Variants in SAP30L observed in about 807,000 individuals in gnomAD.
The protein encoded by SAP30L is histone deacetylase complex subunit SAP30L.
In SAP30L, 10 loss-of-function variants were observed where a neutral mutation model predicts 22.3. That is an observed-to-expected ratio of 0.45 (90% CI 0.28 to 0.76). The LOEUF (loss-of-function observed/expected upper bound fraction) is 0.76, where lower values mean the gene tolerates loss of function less well. SAP30L is among the 30% of genes least tolerant of loss of function. The pLI, the probability that SAP30L is intolerant of heterozygous loss-of-function variation, is 0.14. For synonymous variants in SAP30L, 91 were observed against 94.1 expected (o/e 0.97, Z 0.19); for missense variants, 206 against 237.9 (o/e 0.87, Z 0.88).
chr5:154,454,816 T>G (rs1400220320), intron 3 of SAP30L, among the ~76,000 whole-genome samples: 1 of 152,228 alleles, frequency 6.6e-6, no homozygotes, highest in African/African-American at 2.4e-5. Flanking sequence ...GCATTTTCCT[T>G]CAAACCTGAT....
At chr5:154,447,180 C>A (rs1561699459) in intron 1 of SAP30L, among the ~76,000 whole-genome samples, 1 of 152,242 alleles carries the variant, frequency 6.6e-6, no homozygotes, top group African/African-American at 2.4e-5. Context: ...TTTCCAACTT[C>A]TCTCTCCTTC....
chr5:154,455,259 G>C (rs1242855642), intron 3 of SAP30L, among the ~76,000 whole-genome samples: 1 of 152,092 alleles, frequency 6.6e-6, no homozygotes, highest in African/African-American at 2.4e-5. Context: ...GTCTTGCTCT[G>C]TCTCCTAGGC....
chr5:154,449,249 C>CT (rs1308782817), intron 1 of SAP30L, among the ~76,000 whole-genome samples: 17 of 151,168 alleles, frequency 1.1e-4, no homozygotes, highest in Non-Finnish European at 2.5e-4. Flanking sequence ...CATATTTCTG[C>CT]TTTTTTTTTC....
chr5:154,453,302 T>C (rs568318091), intron 2 of SAP30L, 100 bp from the exon 3 acceptor site: 186 of 797,854 alleles, frequency 2.3e-4, no homozygotes, highest in Middle Eastern at 3.5e-4. Flanking sequence ...GCCCTCCCCA[T>C]CCTCACCCCT....
In SAP30L at chr5:154,456,252, TAA is replaced by T. The variant is rs1582045790; in HGVS notation, c.*227_*228del. 12 of 350,626 alleles carry T rather than the reference TAA, an allele frequency of 3.4e-5. 1 individual carries two copies. The East Asian group carries it at 5.8e-4, about 17-fold the overall frequency. 21.7% of individuals were successfully genotyped at this position (350,626 alleles called of 1,614,324 possible). ...TCTGGACTAAAAAAATCAGGATCAT[TAA>T]AAGAATTAAAAACTATGTATTTCAG... On this transcript the variant is annotated 3_prime_UTR_variant, in exon 4 of 4. Coordinates refer to ENST00000297109, the MANE Select transcript of SAP30L (RefSeq NM_024632.6).
rs577081604 is a variant in SAP30L at position 154,448,764 on chromosome 5, G to A, written c.201+1959G>A. Among the ~76,000 whole-genome samples, 5 of 152,306 alleles carry A rather than the reference G, an allele frequency of 3.3e-5. No individual in the cohort carries two copies. The South Asian group carries it at 1.0e-3, about 32-fold the overall frequency. ...TTTCACACACACTGTCTAGAAGAAG[G>A]GCAGCCTGAGCCTAGCATTAGTGTT... On this transcript the variant is annotated intron_variant, in intron 1 of 3. Coordinates refer to ENST00000297109, the MANE Select transcript of SAP30L (RefSeq NM_024632.6).
At chr5:154,447,468 C>T (rs964805505) in intron 1 of SAP30L, among the ~76,000 whole-genome samples, 1 of 152,152 alleles carries the variant, frequency 6.6e-6, no homozygotes, top group African/African-American at 2.4e-5. Flanking sequence ...ATCGGATTGC[C>T]CTGCTCTTTG....
At position 154,458,465 on chromosome 5, in the gene SAP30L, G is replaced by A. The variant is rs1406429886; in HGVS notation, c.*2437G>A. On this transcript the variant is annotated 3_prime_UTR_variant, in exon 4 of 4. Coordinates refer to ENST00000297109, the MANE Select transcript of SAP30L (RefSeq NM_024632.6). ...AAGTGGCCAGGCCCTCCAGAGCAAC[G>A]GGGTCTGGCTTCAGGGAGCAGTGGG... The A allele has an allele frequency of 1.3e-5, 2 of 152,300 alleles. No homozygotes were observed. Among genetic ancestry groups the A allele is most frequent in the Admixed American group, 6.5e-5 (1 of 15,278 alleles). The allele number at this position is 152,300 out of a possible 1,614,324, so 9.4% of individuals were successfully genotyped here.
In SAP30L at chr5:154,460,220, C is replaced by T. The variant is rs1314527321; in HGVS notation, c.*4192C>T. The T allele has an allele frequency of 1.3e-5, 2 of 152,194 alleles. No homozygotes were observed. The highest frequency in any genetic ancestry group is 2.1e-4 in the South Asian group (1 of 4,828). The allele number at this position is 152,194 out of a possible 1,614,324, so 9.4% of individuals were successfully genotyped here. ...AAATGTTTAGGCCAGTTGAGTTTTG[C>T]AAAATGAGTGGTAAGGGAAAACAGA... On this transcript the variant is annotated 3_prime_UTR_variant, in exon 4 of 4. Transcript: ENST00000297109.
chr5:154,453,498 G>A lies in SAP30L; in HGVS notation c.421G>A (p.Glu141Lys). Residue 141 changes from glutamate to lysine, a missense_variant and splice_region_variant, in exon 3 of 4, where the codon GAA (glutamate) becomes AAA (lysine). Transcript: ENST00000297109. ...RPGFNKAQLA[E>K]TVSRHFRNIP... The stretch of plus-strand genomic sequence containing the variant: ...AGGCTTCAATAAGGCCCAGTTAGCA[G>A]AAGTAGGTAGACAAAATTGCCCTCT... 1 of 1,607,496 alleles carries A rather than the reference G, an allele frequency of 6.2e-7. No homozygotes were observed. Among genetic ancestry groups the A allele is most frequent in the Non-Finnish European group, 8.5e-7 (1 of 1,173,866 alleles).
In SAP30L at chr5:154,460,812, T is replaced by C. The variant is rs1271265371; in HGVS notation, c.*4784T>C. 2 of 152,242 alleles carry C rather than the reference T, an allele frequency of 1.3e-5. No homozygotes were observed. The highest frequency in any genetic ancestry group is 2.1e-4 in the South Asian group (1 of 4,836). The allele number at this position is 152,242 out of a possible 1,614,324, so 9.4% of individuals were successfully genotyped here. ...GTTTTGGGGGTTTTTTTTCCCATTT[T>C]GTAACTGCCTTATTGAAAAGTAAGT... On this transcript the variant is annotated 3_prime_UTR_variant, in exon 4 of 4. Coordinates refer to ENST00000297109, the MANE Select transcript of SAP30L (RefSeq NM_024632.6).
intron 1 of SAP30L, among the ~76,000 whole-genome samples, chr5:154,450,225 C>A (rs1485519418): frequency 1.3e-5 from 2 of 152,250 alleles, no homozygotes; most frequent in Non-Finnish European, 2.9e-5. Flanking sequence ...CCTTCACTTA[C>A]CAGTGTGCCT....
intron 1 of SAP30L, among the ~76,000 whole-genome samples, chr5:154,447,176 A>G (rs1757036491): frequency 6.6e-6 from 1 of 152,178 alleles, no homozygotes; most frequent in African/African-American, 2.4e-5. Flanking sequence ...CTCTTTTCCA[A>G]CTTCTCTCTC....
intron 1 of SAP30L, among the ~76,000 whole-genome samples, chr5:154,450,515 T>C (rs1347662275): frequency 6.6e-6 from 1 of 152,206 alleles, no homozygotes; most frequent in African/African-American, 2.4e-5. Flanking sequence ...ACTATAAGTT[T>C]ATGACTCCTA....
At position 154,459,382 on chromosome 5, in the gene SAP30L, C is replaced by T. The variant is rs1183375851; in HGVS notation, c.*3354C>T. On this transcript the variant is annotated 3_prime_UTR_variant, in exon 4 of 4. Transcript: ENST00000297109. Reference sequence around the variant, plus strand: ...GTGGAGAAGCCTGTTCTTTGTAAACCTCTGGCTTTTCTATGTTCTCTGTAA... The same window carrying T: ...GTGGAGAAGCCTGTTCTTTGTAAACTTCTGGCTTTTCTATGTTCTCTGTAA... 1 of 152,224 alleles carries T rather than the reference C, an allele frequency of 6.6e-6. No homozygotes were observed. Among genetic ancestry groups the T allele is most frequent in the African/African-American group, 2.4e-5 (1 of 41,458 alleles). 9.4% of individuals were successfully genotyped at this position (152,224 alleles called of 1,614,324 possible). A position where few individuals can be genotyped will look rare whatever the true frequency, so the allele number is the denominator to read the frequency against.
At position 154,455,896 on chromosome 5, in the gene SAP30L, A is replaced by G. The variant is rs756944606; in HGVS notation, c.424-4A>G. The stretch of plus-strand genomic sequence containing the variant: ...AGGAACTTTGGTATTTTCCCCCCAC[A>G]TAGACTGTGAGTCGACACTTCAGGA... On this transcript the variant is annotated splice_region_variant and splice_polypyrimidine_tract_variant and intron_variant, in intron 3 of 3. Coordinates refer to ENST00000297109, the MANE Select transcript of SAP30L (RefSeq NM_024632.6). The G allele has an allele frequency of 3.7e-6, 6 of 1,609,564 alleles. No individual in the cohort carries two copies. The Admixed American group carries it at 5.1e-5, about 14-fold the overall frequency.
In SAP30L at chr5:154,458,869, C is replaced by T. The variant is rs1370196284; in HGVS notation, c.*2841C>T. ...CTGAATCTCATGAAAGATTAAAAAC[C>T]AAAGGATTCAAGACCGGTGTTGTAA... On this transcript the variant is annotated 3_prime_UTR_variant, in exon 4 of 4. Transcript: ENST00000297109. 1 of 152,014 alleles carries T rather than the reference C, an allele frequency of 6.6e-6. No individual in the cohort carries two copies. The highest frequency in any genetic ancestry group is 1.9e-4 in the East Asian group (1 of 5,188). The allele number at this position is 152,014 out of a possible 1,614,324, so 9.4% of individuals were successfully genotyped here.
intron 1 of SAP30L, among the ~76,000 whole-genome samples, chr5:154,449,121 A>G (rs1181561601): frequency 6.6e-6 from 1 of 152,254 alleles, no homozygotes; most frequent in African/African-American, 2.4e-5. Flanking sequence ...AAGAGAGTCT[A>G]GCAGAGAACC....
rs1333183838 is a variant in SAP30L at position 154,459,876 on chromosome 5, C to T, written c.*3848C>T. The stretch of plus-strand genomic sequence containing the variant: ...TGTTTTTGCTGAGAAAACAACGCTT[C>T]AGGACTTAAGGTCTAAGCGTCAGAG... On this transcript the variant is annotated 3_prime_UTR_variant, in exon 4 of 4. Transcript: ENST00000297109. 6.6e-6 allele frequency: 1 copy of T among 152,192 alleles called. No individual in the cohort carries two copies. Among genetic ancestry groups the T allele is most frequent in the East Asian group, 1.9e-4 (1 of 5,200 alleles). The allele number at this position is 152,192 out of a possible 1,614,324, so 9.4% of individuals were successfully genotyped here. A position where few individuals can be genotyped will look rare whatever the true frequency, so the allele number is the denominator to read the frequency against.
Sources: allele counts gnomAD v4.1 joint callset (sites outside exome capture counted in the v4.1 genomes callset), GRCh38; gene constraint gnomAD v4.1.1; transcripts MANE v1.5; gene names NCBI Gene and HGNC (gene_info 2026-07-23, HGNC 2026-07-21).